Variants in PLD5 observed in about 807,000 individuals in gnomAD.
PLD5 encodes the protein phospholipase D family member 5.
In PLD5, 36 loss-of-function variants were observed where a neutral mutation model predicts 61.1. That is an observed-to-expected ratio of 0.59 (90% CI 0.45 to 0.78). The LOEUF is 0.78. Ranked by LOEUF, PLD5 falls within the 30% of genes least tolerant of loss-of-function variation. PLD5 has a pLI of 0.00. For synonymous variants in PLD5, 243 were observed against 242.8 expected, an observed-to-expected ratio of 1.00 and a Z score of -0.01; for missense variants, 515 against 644.4, an observed-to-expected ratio of 0.80 and a Z score of 2.17.
chr1:242,271,528 T>C (rs1174417763), intron 3 of PLD5, among the ~76,000 whole-genome samples: 1 of 152,134 alleles, frequency 6.6e-6, no homozygotes, highest in African/African-American at 2.4e-5. Context: ...ATGAATCAGA[T>C]AGACTGGCAG....
At chr1:242,455,257 T>C (rs1458995502) in intron 1 of PLD5, among the ~76,000 whole-genome samples, 1 of 152,238 alleles carries the variant, frequency 6.6e-6, no homozygotes, top group African/African-American at 2.4e-5. Context: ...ATAATCCAGA[T>C]GCAAATTCTA....
At chr1:242,486,214 T>C (rs1275172483) in intron 1 of PLD5, among the ~76,000 whole-genome samples, 1 of 151,892 alleles carries the variant, frequency 6.6e-6, no homozygotes, top group Non-Finnish European at 1.5e-5. Context: ...AATTGACAAA[T>C]GGGATCTAAT....
chr1:242,297,979 C>G (rs1207688067), intron 2 of PLD5, among the ~76,000 whole-genome samples: 2 of 152,344 alleles, frequency 1.3e-5, no homozygotes, highest in East Asian at 3.9e-4. Flanking sequence ...TAACCGATTA[C>G]TGTCATCATT....
chr1:242,213,058 T>C (rs955732348), intron 5 of PLD5, among the ~76,000 whole-genome samples: 5 of 152,366 alleles, frequency 3.3e-5, no homozygotes, highest in Middle Eastern at 3.4e-3. Flanking sequence ...ATGACTTACA[T>C]GCTATTAATG....
chr1:242,470,194 T>A (rs1667400694), intron 1 of PLD5, among the ~76,000 whole-genome samples: 2 of 151,600 alleles, frequency 1.3e-5, no homozygotes, highest in Non-Finnish European at 2.9e-5. Flanking sequence ...ACAAAAAAAA[T>A]TAGCCGGGCG....
chr1:242,239,844 T>C (rs1461064622), intron 4 of PLD5, among the ~76,000 whole-genome samples: 1 of 152,236 alleles, frequency 6.6e-6, no homozygotes, highest in East Asian at 1.9e-4. Context: ...TAATACTCAA[T>C]AAATATTTGT....
intron 1 of PLD5, among the ~76,000 whole-genome samples, chr1:242,465,672 T>C (rs888900753): frequency 6.6e-6 from 1 of 152,220 alleles, no homozygotes; most frequent in Non-Finnish European, 1.5e-5. Context: ...CCTACGCCTG[T>C]AATCCCAGCA....
chr1:242,399,117 G>A (rs996968834), intron 1 of PLD5, among the ~76,000 whole-genome samples: 3 of 152,170 alleles, frequency 2.0e-5, no homozygotes, highest in East Asian at 1.9e-4. Context: ...CTAACCCTTC[G>A]CTCAATAATT....
intron 1 of PLD5, among the ~76,000 whole-genome samples, chr1:242,506,932 G>A (rs192063458): frequency 1.3e-5 from 2 of 152,254 alleles, no homozygotes; most frequent in East Asian, 1.9e-4. Flanking sequence ...ACAGCAACGC[G>A]GTACTAACGG....
chr1:242,451,401 AT>A (rs1306695034), intron 1 of PLD5, among the ~76,000 whole-genome samples: 1 of 145,610 alleles, frequency 6.9e-6, no homozygotes, highest in Non-Finnish European at 1.5e-5. Context: ...TTTATTGTTT[AT>A]TTTTAGGTAT....
chr1:242,270,363 T>A (rs1673984654), intron 3 of PLD5, among the ~76,000 whole-genome samples: 2 of 151,886 alleles, frequency 1.3e-5, no homozygotes, highest in Non-Finnish European at 2.9e-5. Context: ...AGCCAATCTC[T>A]TCATCTTACA....
intron 2 of PLD5, among the ~76,000 whole-genome samples, chr1:242,313,670 A>C (rs1676836754): frequency 1.3e-5 from 2 of 152,120 alleles, no homozygotes; most frequent in Admixed American, 1.3e-4. Flanking sequence ...CATTTCCCAC[A>C]TTTTGGTCAA....
Position 242,100,676 on chromosome 1 carries a change from G to A in PLD5, c.1346C>T (p.Ala449Val). ...ACAGCCCTGACACCTACCAATATAAGCTGCTCCATCTGTCACCATGTACTT... is the reference window on the plus strand; with the variant it reads ...ACAGCCCTGACACCTACCAATATAAACTGCTCCATCTGTCACCATGTACTT... ...RNKYMVTDGA[A>V]YIGNFDWVGN... Residue 449 changes from alanine to valine, a missense_variant, in exon 9 of 10, where the codon GCT becomes GTT. Physicochemically the swap from Ala to Val is moderately conservative, Grantham distance 64 (BLOSUM62 0). Around this residue, in one of 2 missense-constraint regions of PLD5, gnomAD observed 450 missense variants for 598.1 expected, o/e 0.75. Coordinates refer to ENST00000536534, the MANE Select transcript of PLD5 (RefSeq NM_001372062.1). 1 of 1,613,510 alleles carries A rather than the reference G, an allele frequency of 6.2e-7. No homozygotes were observed. The highest frequency in any genetic ancestry group is 8.5e-7 in the Non-Finnish European group (1 of 1,179,598).
chr1:242,391,130 G>C (rs951433617), intron 1 of PLD5, among the ~76,000 whole-genome samples: 3 of 152,194 alleles, frequency 2.0e-5, no homozygotes, highest in African/African-American at 7.2e-5. Context: ...GGGAGGCGGA[G>C]CTTGCAGTGA....
chr1:242,492,926 AC>A (rs1374824024), intron 1 of PLD5, among the ~76,000 whole-genome samples: 1 of 152,126 alleles, frequency 6.6e-6, no homozygotes, highest in African/African-American at 2.4e-5. Flanking sequence ...CAAAGGCTCT[AC>A]TTCCTAAAAC....
At chr1:242,483,602 T>G (rs1239734328) in intron 1 of PLD5, among the ~76,000 whole-genome samples, 5 of 152,100 alleles carry the variant, frequency 3.3e-5, no homozygotes, top group Non-Finnish European at 5.9e-5. Flanking sequence ...TCCCACACAG[T>G]AATAATGGGA....
chr1:242,372,720 T>A (rs1193271599), intron 1 of PLD5, among the ~76,000 whole-genome samples: 1 of 152,172 alleles, frequency 6.6e-6, no homozygotes, highest in Non-Finnish European at 1.5e-5. Context: ...TAAATGGTGC[T>A]GGGAAAACTG....
At chr1:242,167,781 G>A (rs316895) in intron 5 of PLD5, among the ~76,000 whole-genome samples, 50,783 of 152,000 alleles carry the variant, frequency 0.33, 8,758 homozygotes, top group South Asian at 0.44. Flanking sequence ...GATTGCCTAC[G>A]TGAAAACAAT....
At chr1:242,327,107 C>T (rs1185840154) in intron 2 of PLD5, among the ~76,000 whole-genome samples, 1 of 152,010 alleles carries the variant, frequency 6.6e-6, no homozygotes. Context: ...CCTCGTGATC[C>T]ACCTGCCTCA....
Sources: gnomAD v4.1 joint callset for allele counts (sites outside exome capture counted in the v4.1 genomes callset) on GRCh38, gnomAD v4.1.1 for gene constraint, gnomAD v4.1.1 regional missense constraint, MANE v1.5 for transcripts, NCBI Gene and HGNC (gene_info 2026-07-23, HGNC 2026-07-21) for gene names.